ATP7B: variants seen among roughly 807,000 people sequenced by gnomAD.
ATP7B encodes ATPase copper transporting beta, also known as copper-transporting ATPase 2.
Under a neutral mutation model 118.9 loss-of-function variants are expected in ATP7B, and 113 were observed. That is an observed-to-expected ratio of 0.95 (90% CI 0.82 to 1.11). The LOEUF (loss-of-function observed/expected upper bound fraction) is 1.11, where lower values mean the gene tolerates loss of function less well. Ranked by LOEUF, ATP7B falls within the 50% of genes most tolerant of loss-of-function variation. The probability of loss-of-function intolerance (pLI) is 0.00; values close to 1 mark genes in which losing one functional copy is unlikely to be tolerated. For missense variants in ATP7B, 1,867 were observed against 1,871.4 expected, an observed-to-expected ratio of 1.00 and a Z score of 0.04; for synonymous variants, 777 against 727.4, an observed-to-expected ratio of 1.07 and a Z score of -1.10.
chr13:52,008,124 G>C (rs577200780), intron 1 of ATP7B, among the ~76,000 whole-genome samples: 1 of 151,714 alleles, frequency 6.6e-6, no homozygotes, highest in African/African-American at 2.4e-5. Context: ...GGCGGATCAC[G>C]AGATCAAGAG....
intron 12 of ATP7B, among the ~76,000 whole-genome samples, chr13:51,949,205 A>G (rs184875416): frequency 6.6e-6 from 1 of 152,316 alleles, no homozygotes; most frequent in East Asian, 1.9e-4. Flanking sequence ...TAAACAAACA[A>G]ACATAAAAAG....
chr13:51,995,505 A>G (rs935364889), intron 1 of ATP7B, among the ~76,000 whole-genome samples: 7 of 152,332 alleles, frequency 4.6e-5, no homozygotes, highest in East Asian at 1.9e-4. Context: ...GTTGCCAGGA[A>G]GGACTGCTCG....
intron 1 of ATP7B, among the ~76,000 whole-genome samples, chr13:51,994,762 A>G (rs1405120210): frequency 6.6e-6 from 1 of 152,226 alleles, no homozygotes; most frequent in African/African-American, 2.4e-5. Flanking sequence ...TCTAACTAGT[A>G]AATGCCTTCA....
intron 1 of ATP7B, among the ~76,000 whole-genome samples, chr13:51,977,852 A>G (rs545240335): frequency 6.6e-6 from 1 of 152,344 alleles, no homozygotes; most frequent in South Asian, 2.1e-4. Flanking sequence ...TCATGGGACC[A>G]GTGTCATATG....
chr13:51,967,263 T>C, intron 4 of ATP7B: 1 of 766,426 alleles, frequency 1.3e-6, no homozygotes, highest in Non-Finnish European at 2.1e-6. Context: ...TGTTCAATTA[T>C]CTTTATCACA....
chr13:51,987,486 C>T (rs560044875), intron 1 of ATP7B, among the ~76,000 whole-genome samples: 44 of 152,290 alleles, frequency 2.9e-4, no homozygotes, highest in African/African-American at 1.0e-3. Flanking sequence ...GGCCATACTG[C>T]CCAAAGTAAT....
At chr13:51,989,059 T>TA (rs1952793114) in intron 1 of ATP7B, among the ~76,000 whole-genome samples, 1 of 152,012 alleles carries the variant, frequency 6.6e-6, no homozygotes, top group Non-Finnish European at 1.5e-5. Flanking sequence ...GTATAATTTT[T>TA]TAAAAAAAGA....
intron 16 of ATP7B, among the ~76,000 whole-genome samples, chr13:51,940,175 G>A (rs930378332): frequency 7.3e-5 from 11 of 150,226 alleles, no homozygotes; most frequent in South Asian, 4.2e-4. Context: ...ACCACACCCC[G>A]CTAATTTTTT....
chr13:51,964,639 A>C, intron 5 of ATP7B: 1 of 506,828 alleles, frequency 2.0e-6, no homozygotes, highest in African/African-American at 1.9e-5. Context: ...TAAAACAATA[A>C]TAATGTCTTT....
intron 1 of ATP7B, among the ~76,000 whole-genome samples, chr13:52,009,027 A>G (rs143726842): frequency 0.015 from 2,277 of 151,720 alleles, 72 homozygotes; most frequent in Admixed American, 0.081. Flanking sequence ...GGCACACACC[A>G]TTATGCCCAG....
intron 17 of ATP7B, 68 bp from the exon 18 acceptor site, chr13:51,937,747 T>G (rs1006575858): frequency 7.7e-5 from 121 of 1,561,926 alleles, no homozygotes; most frequent in Non-Finnish European, 9.5e-5. Flanking sequence ...AACCTCAAGT[T>G]ACCCTTGCCC....
rs577748575 is a variant in ATP7B, at chr13:51,949,180, A to C, written c.2865+482T>G. On this transcript the variant is annotated intron_variant, in intron 12 of 20. Transcript: ENST00000242839. ...GGGAAACAGAGGGAGACTCCATCTC[A>C]AATAAATAAATAAATAAACAAACAA... Among the ~76,000 whole-genome samples the C allele has an allele frequency of 1.9e-3, 284 of 151,594 alleles. 1 individual carries two copies. The highest frequency in any genetic ancestry group is 3.1e-3 in the Non-Finnish European group (207 of 67,788).
At chr13:51,946,654 C>T in intron 12 of ATP7B, 176 bp from the exon 13 acceptor site, 1 of 714,606 alleles carries the variant, frequency 1.4e-6, no homozygotes, top group Non-Finnish European at 2.4e-6. Context: ...TACTGCTCTC[C>T]ACATCCCAGC....
At chr13:52,005,828 C>G (rs1039011646) in intron 1 of ATP7B, among the ~76,000 whole-genome samples, 10 of 152,206 alleles carry the variant, frequency 6.6e-5, no homozygotes, top group African/African-American at 2.4e-4. Context: ...CTGTTGGGAA[C>G]AGGCCCCCCA....
intron 9 of ATP7B, among the ~76,000 whole-genome samples, chr13:51,955,581 T>C (rs764656805): frequency 5.9e-5 from 9 of 152,176 alleles, no homozygotes; most frequent in Non-Finnish European, 1.2e-4. Flanking sequence ...GGCCGGCAGA[T>C]GCCTTCTCCT....
At chr13:51,975,541 CA>C in intron 1 of ATP7B, 1 of 523,056 alleles carries the variant, frequency 1.9e-6, no homozygotes. Flanking sequence ...ACAGGTATCC[CA>C]AAAGAGGTCC....
At chr13:51,991,068 C>T (rs942750301) in intron 1 of ATP7B, among the ~76,000 whole-genome samples, 3 of 151,340 alleles carry the variant, frequency 2.0e-5, no homozygotes, top group African/African-American at 4.9e-5. Context: ...AGCCTGGCGA[C>T]GGAGCGAGAC....
intron 9 of ATP7B, 77 bp from the exon 10 acceptor site, chr13:51,950,476 T>C (rs994284492): frequency 1.0e-5 from 16 of 1,591,682 alleles, no homozygotes; most frequent in South Asian, 6.6e-5. Context: ...GCTGTTACAA[T>C]AGTTACACTG....
At chr13:51,955,058 A>C (rs1958250343) in intron 9 of ATP7B, among the ~76,000 whole-genome samples, 1 of 152,206 alleles carries the variant, frequency 6.6e-6, no homozygotes, top group African/African-American at 2.4e-5. Context: ...AGCACCCAAG[A>C]CTTGGAGTAA....
Sources: allele counts gnomAD v4.1 joint callset (sites outside exome capture counted in the v4.1 genomes callset), GRCh38; gene constraint gnomAD v4.1.1; transcripts MANE v1.5; gene names NCBI Gene and HGNC (gene_info 2026-07-23, HGNC 2026-07-21).